The following MAN1C1 variants were observed in gnomAD, a reference collection of about 807,000 sequenced individuals.
MAN1C1 encodes mannosidase alpha class 1C member 1.
MAN1C1 carries 49 observed loss-of-function variants against 71.5 expected under a neutral mutation model. The ratio of observed to expected loss-of-function variants is 0.69; its 90% CI spans 0.54 to 0.87. MAN1C1 has a LOEUF of 0.87. Among genes scored for constraint, MAN1C1 ranks in the 40% least tolerant of loss-of-function variants. The pLI is 0.00. For synonymous variants in MAN1C1, 352 were observed against 343.7 expected, an observed-to-expected ratio of 1.02 and a Z score of -0.27; for missense variants, 743 against 835.0, an observed-to-expected ratio of 0.89 and a Z score of 1.36.
chr1:25,759,533 G>A (rs914744657), intron 6 of MAN1C1: 3 of 152,186 alleles, frequency 2.0e-5, no homozygotes, highest in African/African-American at 7.2e-5. Context: ...TGGGAGCTGG[G>A]AGATGACTGA....
In MAN1C1 at chr1:25,735,739, C is replaced by T. The variant is rs2046974560; in HGVS notation, c.638-10929C>T. On this transcript the variant is annotated intron_variant, in intron 2 of 11. Coordinates refer to ENST00000374332, the MANE Select transcript of MAN1C1 (RefSeq NM_020379.4). The surrounding 1 kb of genome is among the most constrained non-coding windows in gnomAD (Gnocchi z 4.6). ...CAAGTCTGCTCTGCACATATCTCATCCTTCCTGGACCAGTGGCCATTTGAG... is the reference window on the plus strand; with the variant it reads ...CAAGTCTGCTCTGCACATATCTCATTCTTCCTGGACCAGTGGCCATTTGAG... Among the ~76,000 whole-genome samples the T allele has an allele frequency of 6.6e-6, 1 of 152,188 alleles. No homozygotes were observed. The highest frequency in any genetic ancestry group is 2.1e-4 in the South Asian group (1 of 4,834).
At chr1:25,748,614 A>G (rs557031327) in intron 3 of MAN1C1, among the ~76,000 whole-genome samples, 3 of 152,264 alleles carry the variant, frequency 2.0e-5, no homozygotes, top group Admixed American at 1.3e-4. Context: ...GGTGGGGTTT[A>G]CCCCAGATCT....
intron 2 of MAN1C1, among the ~76,000 whole-genome samples, chr1:25,697,414 G>A (rs1251568445): frequency 1.3e-5 from 2 of 152,188 alleles, no homozygotes; most frequent in East Asian, 3.8e-4. Context: ...ATATTCCTTT[G>A]TATGGATATC....
At chr1:25,728,275 C>G (rs1182743827) in intron 2 of MAN1C1, among the ~76,000 whole-genome samples, 1 of 152,180 alleles carries the variant, frequency 6.6e-6, no homozygotes, top group Non-Finnish European at 1.5e-5. Flanking sequence ...AGTCCCCTCC[C>G]CTCTGCAACC....
intron 5 of MAN1C1, among the ~76,000 whole-genome samples, chr1:25,755,641 A>G (rs996562925): frequency 3.3e-5 from 5 of 152,164 alleles, no homozygotes; most frequent in African/African-American, 1.2e-4. Context: ...CGGTAAAGAA[A>G]CTGAGGCTCA....
intron 1 of MAN1C1, among the ~76,000 whole-genome samples, chr1:25,668,244 A>G (rs1572135146): frequency 6.6e-6 from 1 of 151,924 alleles, no homozygotes; most frequent in African/African-American, 2.4e-5. Flanking sequence ...TTCCTTGGCC[A>G]CCCCACCCAC....
chr1:25,783,526 C>A (rs1252782660), intron 11 of MAN1C1, 137 bp from the exon 12 acceptor site: 36 of 909,416 alleles, frequency 4.0e-5, no homozygotes, highest in Non-Finnish European at 5.6e-5. Context: ...CTGCTGCCCA[C>A]AGTTTTGGGG....
intron 2 of MAN1C1, among the ~76,000 whole-genome samples, chr1:25,690,288 C>CTTTTTTTT (rs33932251): frequency 2.5e-5 from 3 of 119,756 alleles, no homozygotes; most frequent in Non-Finnish European, 3.3e-5. Flanking sequence ...ATCTCTGCCT[C>CTTTTTTTT]TTTTTTTTTT....
intron 1 of MAN1C1, among the ~76,000 whole-genome samples, chr1:25,620,876 G>A (rs1286029251): frequency 6.6e-6 from 1 of 152,250 alleles, no homozygotes; most frequent in East Asian, 1.9e-4. Flanking sequence ...TAAGATGGTT[G>A]AGGCTGCAGG....
intron 1 of MAN1C1, among the ~76,000 whole-genome samples, chr1:25,629,058 G>A (rs144000886): frequency 1.5e-3 from 233 of 152,266 alleles, no homozygotes; most frequent in African/African-American, 5.3e-3. Flanking sequence ...GTAAACATGC[G>A]TGTACATGTG....
At chr1:25,748,450 G>A (rs998667877) in intron 3 of MAN1C1, among the ~76,000 whole-genome samples, 2 of 152,352 alleles carry the variant, frequency 1.3e-5, no homozygotes, top group African/African-American at 4.8e-5. Context: ...CAACAGGCAT[G>A]TCTGGCTGTG....
At chr1:25,685,596 C>T (rs773100433) in intron 1 of MAN1C1, among the ~76,000 whole-genome samples, 5 of 152,206 alleles carry the variant, frequency 3.3e-5, no homozygotes, top group Admixed American at 6.5e-5. Flanking sequence ...GCTGGCGTGA[C>T]GCTCCTGAGA....
chr1:25,716,377 G>T (rs2046681079), intron 2 of MAN1C1, among the ~76,000 whole-genome samples: 2 of 152,158 alleles, frequency 1.3e-5, no homozygotes. Flanking sequence ...CTGTCACCCA[G>T]GTTGGAGTAC....
At chr1:25,647,081 C>T (rs779495416) in intron 1 of MAN1C1, among the ~76,000 whole-genome samples, 4 of 152,170 alleles carry the variant, frequency 2.6e-5, no homozygotes, top group Non-Finnish European at 5.9e-5. Context: ...GTGCCAGCCC[C>T]TCTCTAGCAT....
At chr1:25,727,420 C>T (rs1323070191) in intron 2 of MAN1C1, among the ~76,000 whole-genome samples, 4 of 152,204 alleles carry the variant, frequency 2.6e-5, no homozygotes. Flanking sequence ...AATGAGACAG[C>T]ATGGGAGGTG....
At chr1:25,763,813 G>A (rs1166813651) in intron 6 of MAN1C1, 61 bp from the exon 7 acceptor site, 1 of 1,368,826 alleles carries the variant, frequency 7.3e-7, no homozygotes. Context: ...TCCTCAGCAG[G>A]CTGGGTGCAG....
In MAN1C1 at chr1:25,696,590, T is replaced by A. The variant is rs1014982187; in HGVS notation, c.637+10054T>A. ...CATCACCCTAAAAGGTTCTCTCAGG[T>A]CCCTCCTAGTCTGTAGCTCCCCAAG... On this transcript the variant is annotated intron_variant, in intron 2 of 11. Transcript: ENST00000374332. Among the ~76,000 whole-genome samples, 8 of 152,118 alleles carry A rather than the reference T, an allele frequency of 5.3e-5. No homozygotes were observed. The East Asian group carries it at 1.5e-3, about 29-fold the overall frequency.
At chr1:25,675,957 G>A (rs2046061106) in intron 1 of MAN1C1, among the ~76,000 whole-genome samples, 1 of 152,202 alleles carries the variant, frequency 6.6e-6, no homozygotes. Context: ...AAGCTTCAAT[G>A]TGCGTTTGAA....
At chr1:25,650,358 C>A (rs142412743) in intron 1 of MAN1C1, among the ~76,000 whole-genome samples, 1 of 152,198 alleles carries the variant, frequency 6.6e-6, no homozygotes, top group African/African-American at 2.4e-5. Flanking sequence ...CTGAGGAAAT[C>A]GTACCAGCAA....
Sources: allele counts gnomAD v4.1 joint callset (sites outside exome capture counted in the v4.1 genomes callset), GRCh38; gene constraint gnomAD v4.1.1; non-coding constraint Gnocchi (gnomAD v3.1); transcripts MANE v1.5; gene names NCBI Gene and HGNC (gene_info 2026-07-23, HGNC 2026-07-21).